The following TM4SF18 variants were observed in gnomAD, a reference collection of about 807,000 sequenced individuals.
The protein encoded by TM4SF18 is transmembrane 4 L six family member 18, also known as transmembrane 4 L6 family member 18.
A neutral mutation model predicts 23.8 loss-of-function variants in TM4SF18; 22 were observed. That is an observed-to-expected ratio of 0.92 (90% confidence interval 0.66 to 1.32). The LOEUF (loss-of-function observed/expected upper bound fraction) is 1.32. TM4SF18 is among the 40% of genes most tolerant of loss of function. The pLI is 0.00. For missense variants in TM4SF18, 255 were observed against 240.3 expected (o/e 1.06, Z -0.41); for synonymous variants, 87 against 87.9 (o/e 0.99, Z 0.06).
At chr3:149,330,555 C>G (rs1293459995) in intron 2 of TM4SF18, 136 bp from the exon 3 acceptor site, 1 of 556,426 alleles carries the variant, frequency 1.8e-6, no homozygotes, top group African/African-American at 1.9e-5. Flanking sequence ...CTGTCACTTT[C>G]TAGCTGTGTG....
intron 2 of TM4SF18, among the ~76,000 whole-genome samples, chr3:149,331,568 C>G (rs1731087851): frequency 6.6e-6 from 1 of 152,208 alleles, no homozygotes; most frequent in Non-Finnish European, 1.5e-5. Context: ...TAGTAACCAG[C>G]TTCATTACAA....
intron 3 of TM4SF18, among the ~76,000 whole-genome samples, chr3:149,329,227 C>T (rs889832017): frequency 6.6e-6 from 1 of 151,346 alleles, no homozygotes; most frequent in Non-Finnish European, 1.5e-5. Flanking sequence ...AATTCTTCTC[C>T]ATAAGGGACA....
Position 149,324,874 on chromosome 3 carries a change from C to T in TM4SF18, c.410+6G>A. On this transcript the variant is annotated splice_donor_region_variant and intron_variant, in intron 4 of 5. Transcript: ENST00000296059. The stretch of plus-strand genomic sequence containing the variant: ...GACCTCCTTGGTTTGGGGAATTATT[C>T]CTTACCGTCCAGCAGTGCCTTCAAA... 1 of 1,613,968 alleles carries T rather than the reference C, an allele frequency of 6.2e-7. No individual in the cohort carries two copies. Among genetic ancestry groups the T allele is most frequent in the Non-Finnish European group, 8.5e-7 (1 of 1,179,944 alleles).
intron 3 of TM4SF18, 90 bp from the exon 4 acceptor site, chr3:149,325,112 C>T: frequency 7.6e-7 from 1 of 1,320,838 alleles, no homozygotes; most frequent in South Asian, 1.3e-5. Context: ...TTCCCCTATT[C>T]ACCCAAGCTC....
Position 149,333,324 on chromosome 3 carries a change from C to G in TM4SF18, c.59G>C (p.Trp20Ser). ...LSCLLIPLAL[W>S]SIIVNILLYF... ...CAATAATATGTTCACGATTATACTC[C>G]AAAGTGCAAGCGGAATCAGCAAACA... is the stretch of plus-strand genomic sequence containing the variant. The change falls in exon 2 of 6, where the codon TGG (tryptophan) becomes TCG (serine). Residue 20 changes from tryptophan (W) to serine (S), a missense_variant. Physicochemically the swap from Trp to Ser is radical, Grantham distance 177 (BLOSUM62 -3). Transcript: ENST00000296059. 2 of 1,613,666 alleles carry G rather than the reference C, an allele frequency of 1.2e-6. No homozygotes were observed. Among genetic ancestry groups the G allele is most frequent in the Non-Finnish European group, 1.7e-6 (2 of 1,179,854 alleles).
In TM4SF18 at chr3:149,321,413, A is replaced by G; in HGVS notation, c.*65T>C. The G allele has an allele frequency of 7.8e-7, 1 of 1,278,402 alleles. No individual in the cohort carries two copies. Among genetic ancestry groups the G allele is most frequent in the Non-Finnish European group, 1.1e-6 (1 of 917,524 alleles). 79.2% of individuals were successfully genotyped at this position (1,278,402 alleles called of 1,614,324 possible). A position where few individuals can be genotyped will look rare whatever the true frequency, so the allele number is the denominator to read the frequency against. Reference sequence around the variant, plus strand: ...TCATTTCAATATTGCCCTCAAGTCTACACAGTTGATATAATATTTAGATAG... The same window carrying G: ...TCATTTCAATATTGCCCTCAAGTCTGCACAGTTGATATAATATTTAGATAG... On this transcript the variant is annotated 3_prime_UTR_variant, in exon 6 of 6. Transcript: ENST00000296059.
At chr3:149,324,785 C>A (rs970190688) in intron 4 of TM4SF18, 95 bp downstream of exon 4, 3 of 1,534,854 alleles carry the variant, frequency 2.0e-6, no homozygotes, top group Non-Finnish European at 2.7e-6. Context: ...CCACATGGAA[C>A]CCCAAAGTGA....
chr3:149,328,622 A>AT (rs1374369438), intron 3 of TM4SF18, among the ~76,000 whole-genome samples: 1 of 152,172 alleles, frequency 6.6e-6, no homozygotes, highest in Non-Finnish European at 1.5e-5. Context: ...AAAAATCCAT[A>AT]TTTTTACTTT....
chr3:149,325,014 C>T lies in TM4SF18; in HGVS notation c.276G>A (p.Leu92=). The T allele has an allele frequency of 6.2e-7, 1 of 1,613,704 alleles. No individual in the cohort carries two copies. ...TTCCGAGGGAAGAAAAGATAATTGA[C>T]AGCAGTGTCTAAATTAAAACATAGA... ...ENCSKKYVTL[L]SIIFSSLGIA... Residue 92 remains leucine, a synonymous_variant, in exon 4 of 6, where the codon CTG becomes CTA. Transcript: ENST00000296059.
intron 3 of TM4SF18, among the ~76,000 whole-genome samples, chr3:149,326,737 G>GAAA (rs1730957765): frequency 6.6e-6 from 1 of 152,086 alleles, no homozygotes; most frequent in Non-Finnish European, 1.5e-5. Context: ...CTAATTCATT[G>GAAA]TGCTATAATC....
chr3:149,323,351 C>G (rs1207457582), intron 4 of TM4SF18, among the ~76,000 whole-genome samples: 1 of 152,144 alleles, frequency 6.6e-6, no homozygotes, highest in Non-Finnish European at 1.5e-5. Flanking sequence ...ATCTCATACC[C>G]CCATTTACCC....
intron 2 of TM4SF18, among the ~76,000 whole-genome samples, chr3:149,332,423 A>C (rs1421748051): frequency 1.3e-5 from 2 of 152,178 alleles, no homozygotes; most frequent in Non-Finnish European, 2.9e-5. Context: ...CTGAGTTGCC[A>C]ACATGATTTA....
rs1307126619 is a variant in TM4SF18 at position 149,320,913 on chromosome 3, G to A, written c.*565C>T. The A allele has an allele frequency of 6.6e-6, 1 of 152,008 alleles. No homozygotes were observed. The highest frequency in any genetic ancestry group is 6.6e-5 in the Admixed American group (1 of 15,260). The allele number at this position is 152,008 out of a possible 1,614,324, so 9.4% of individuals were successfully genotyped here. Reference sequence around the variant, plus strand: ...TTTTCATCCTAAACTTTGACTATTAGTGTTTCATTTGCTTTAAATAGTTAT... The same window carrying A: ...TTTTCATCCTAAACTTTGACTATTAATGTTTCATTTGCTTTAAATAGTTAT... On this transcript the variant is annotated 3_prime_UTR_variant, in exon 6 of 6. Transcript: ENST00000296059.
Position 149,324,822 on chromosome 3 carries a change from C to G in TM4SF18, c.410+58G>C, listed in dbSNP as rs1730897093. The G allele has an allele frequency of 2.2e-5, 36 of 1,604,018 alleles. No individual in the cohort carries two copies. The South Asian group carries it at 3.5e-4, about 16-fold the overall frequency. ...CATGGAAAATGAGCGTGAGCTTGAG[C>G]ATGAGGCAAGGTGTTTCTGATTTTC... On this transcript the variant is annotated intron_variant, in intron 4 of 5. Coordinates refer to ENST00000296059, the MANE Select transcript of TM4SF18 (RefSeq NM_138786.4).
At chr3:149,322,029 C>A (rs111433973) in intron 5 of TM4SF18, among the ~76,000 whole-genome samples, 1 of 152,126 alleles carries the variant, frequency 6.6e-6, no homozygotes, top group Non-Finnish European at 1.5e-5. Context: ...TACCATACAA[C>A]AAGAAATGCA....
rs33985529 is a variant in TM4SF18 at position 149,329,156 on chromosome 3, TCACACACA to T, written c.267+1166_267+1173del. Reference sequence around the variant, plus strand: ...ACTGGAGGATGACTGAGTCAACTGGTCACACACACACACACACACACACACACACACAC... The same window carrying T: ...ACTGGAGGATGACTGAGTCAACTGGTCACACACACACACACACACACACAC... On this transcript the variant is annotated intron_variant, in intron 3 of 5. Coordinates refer to ENST00000296059, the MANE Select transcript of TM4SF18 (RefSeq NM_138786.4). Among the ~76,000 whole-genome samples the T allele has an allele frequency of 6.0e-3, 852 of 142,216 alleles. 11 individuals are homozygous for T. Among genetic ancestry groups the T allele is most frequent in the African/African-American group, 0.02 (761 of 38,826 alleles). The allele number at this position is 142,216 out of a possible 152,430, so 93.3% of individuals were successfully genotyped here.
intron 3 of TM4SF18, among the ~76,000 whole-genome samples, chr3:149,328,771 C>A (rs534961104): frequency 6.6e-6 from 1 of 152,136 alleles, no homozygotes; most frequent in East Asian, 1.9e-4. Flanking sequence ...ATGTCACACA[C>A]GTGGCTTCTG....
chr3:149,331,353 G>GA (rs1324300626), intron 2 of TM4SF18, among the ~76,000 whole-genome samples: 2 of 151,992 alleles, frequency 1.3e-5, no homozygotes, highest in Non-Finnish European at 2.9e-5. Flanking sequence ...CCTGGAAGAT[G>GA]AAAAAAATAG....
intron 3 of TM4SF18, among the ~76,000 whole-genome samples, chr3:149,325,385 T>G (rs1321700112): frequency 1.3e-5 from 2 of 152,172 alleles, no homozygotes; most frequent in Admixed American, 6.5e-5. Context: ...GTAGAGTGGG[T>G]TCTCTAAGAA....
Sources: allele counts gnomAD v4.1 joint callset (sites outside exome capture counted in the v4.1 genomes callset), GRCh38; gene constraint gnomAD v4.1.1; transcripts MANE v1.5; gene names NCBI Gene and HGNC (gene_info 2026-07-23, HGNC 2026-07-21).